DLEC1: variants seen among roughly 807,000 people sequenced by gnomAD.
The protein encoded by DLEC1 is deleted in lung and esophageal cancer protein 1.
Under a neutral mutation model 198.1 loss-of-function variants are expected in DLEC1, and 146 were observed. The ratio of observed to expected loss-of-function variants is 0.74; its 90% confidence interval spans 0.64 to 0.85. The LOEUF (loss-of-function observed/expected upper bound fraction) is 0.85. Among genes scored for constraint, DLEC1 ranks in the 40% least tolerant of loss-of-function variants. The pLI is 0.00. For missense variants in DLEC1, 2,233 were observed against 2,220.0 expected, an observed-to-expected ratio of 1.01 and a Z score of -0.12; for synonymous variants, 897 against 866.8, an observed-to-expected ratio of 1.03 and a Z score of -0.61.
intron 6 of DLEC1, among the ~76,000 whole-genome samples, chr3:38,065,755 C>G (rs144399634): frequency 1.0e-3 from 152 of 152,266 alleles, no homozygotes; most frequent in African/African-American, 3.4e-3. Flanking sequence ...TATGTCTGAT[C>G]TTCATTTGTT....
intron 6 of DLEC1, among the ~76,000 whole-genome samples, chr3:38,065,593 A>C (rs1230613216): frequency 6.6e-6 from 1 of 152,222 alleles, no homozygotes; most frequent in East Asian, 1.9e-4. Flanking sequence ...TATGTGCTGG[A>C]GTCATAGAAG....
At chr3:38,116,266 T>C (rs1279703058) in intron 27 of DLEC1, among the ~76,000 whole-genome samples, 187 bp from the exon 28 acceptor site, 5 of 152,186 alleles carry the variant, frequency 3.3e-5, no homozygotes, top group African/African-American at 4.8e-5. Flanking sequence ...GGCATAAGCC[T>C]GTAAAGCCTT....
intron 21 of DLEC1, 72 bp downstream of exon 21, chr3:38,108,587 G>A (rs1380914032): frequency 2.4e-6 from 3 of 1,248,622 alleles, no homozygotes; most frequent in Non-Finnish European, 3.5e-6. Flanking sequence ...GTGCCACCAG[G>A]GAGGCCCTAG....
intron 6 of DLEC1, among the ~76,000 whole-genome samples, chr3:38,072,480 C>T (rs1289387693): frequency 6.6e-6 from 1 of 152,124 alleles, no homozygotes; most frequent in East Asian, 1.9e-4. Context: ...GACTGCACAG[C>T]CCTGCACTTC....
intron 2 of DLEC1, among the ~76,000 whole-genome samples, chr3:38,057,659 A>G (rs1696446005): frequency 1.3e-5 from 2 of 152,190 alleles, no homozygotes; most frequent in South Asian, 4.1e-4. Flanking sequence ...TAACTATTCA[A>G]AAATATAAAC....
intron 2 of DLEC1, among the ~76,000 whole-genome samples, chr3:38,048,691 G>A (rs144289520): frequency 4.6e-5 from 7 of 152,236 alleles, no homozygotes; most frequent in Admixed American, 1.3e-4. Context: ...TTCTTCTATC[G>A]GGAGGAGGAA....
rs1356238451 is a variant in DLEC1 at position 38,112,207 on chromosome 3, C to T, written c.3515-3C>T. 18 of 1,614,120 alleles carry T rather than the reference C, an allele frequency of 1.1e-5. No homozygotes were observed. The highest frequency in any genetic ancestry group is 6.7e-5 in the Admixed American group (4 of 60,016). Reference sequence around the variant, plus strand: ...ATCCCCCACAGTCGCGGTTCTTTCCCAGATTTTATGGAGAGCATGCTATCC... The same window carrying T: ...ATCCCCCACAGTCGCGGTTCTTTCCTAGATTTTATGGAGAGCATGCTATCC... On this transcript the variant is annotated splice_region_variant and splice_polypyrimidine_tract_variant and intron_variant, in intron 24 of 36. Coordinates refer to ENST00000308059, the MANE Select transcript of DLEC1 (RefSeq NM_007335.4). This position sits in a 1 kb window ranked among gnomAD's most constrained non-coding sequence, Gnocchi z 4.8.
chr3:38,054,736 G>C (rs558434615), intron 2 of DLEC1, among the ~76,000 whole-genome samples: 1 of 152,218 alleles, frequency 6.6e-6, no homozygotes, highest in African/African-American at 2.4e-5. Context: ...AACATGCATG[G>C]TGGGTGGCTG....
intron 1 of DLEC1, among the ~76,000 whole-genome samples, chr3:38,044,733 T>A (rs1700806245): frequency 6.6e-6 from 1 of 152,220 alleles, no homozygotes; most frequent in Non-Finnish European, 1.5e-5. Flanking sequence ...TCATATTACC[T>A]GTACCAGTGA....
At chr3:38,060,300 T>G (rs902238539) in intron 3 of DLEC1, among the ~76,000 whole-genome samples, 1 of 152,152 alleles carries the variant, frequency 6.6e-6, no homozygotes, top group Admixed American at 6.6e-5. Flanking sequence ...GGTGTGTACA[T>G]GTATGTGACA....
chr3:38,082,752 ATG>A (rs1698120350), intron 6 of DLEC1, among the ~76,000 whole-genome samples: 1 of 150,862 alleles, frequency 6.6e-6, no homozygotes, highest in African/African-American at 2.4e-5. Context: ...GGGTAGAGAC[ATG>A]GAGAGAAGGG....
chr3:38,120,299 T>G, intron 33 of DLEC1, 149 bp from the exon 34 acceptor site: 1 of 836,484 alleles, frequency 1.2e-6, no homozygotes, highest in Non-Finnish European at 2.0e-6. Context: ...TGGGCAGCGC[T>G]TGTGGAATGA....
intron 11 of DLEC1, 129 bp downstream of exon 11, chr3:38,093,009 C>T (rs1230532810): frequency 2.3e-6 from 2 of 862,122 alleles, no homozygotes; most frequent in Non-Finnish European, 3.7e-6. Context: ...ATTAAGAATG[C>T]TGCAGCCTCC....
chr3:38,110,279 C>A lies in DLEC1; in HGVS notation c.3441C>A (p.Ser1147Arg). The A allele has an allele frequency of 6.2e-7, 1 of 1,614,050 alleles. No individual in the cohort carries two copies. The highest frequency in any genetic ancestry group is 8.5e-7 in the Non-Finnish European group (1 of 1,179,984). ...SPQNSLSKKT[S>R]LPNMPPALLK... ...AAAACAGCCTGAGCAAAAAGACCAG[C>A]CTGTAAGTCTTGCTTCTTTCACTTC... Residue 1147 changes from serine to arginine, a missense_variant and splice_region_variant, in exon 23 of 37, where the codon AGC (serine) becomes AGA (arginine). By Grantham distance (110) the Ser-to-Arg change is moderately radical. Coordinates refer to ENST00000308059, the MANE Select transcript of DLEC1 (RefSeq NM_007335.4).
At chr3:38,101,863 G>T (rs1300915225) in intron 19 of DLEC1, among the ~76,000 whole-genome samples, 5 of 152,078 alleles carry the variant, frequency 3.3e-5, no homozygotes, top group Non-Finnish European at 7.4e-5. Context: ...TCAGGGGAAG[G>T]GCTTTCTATT....
chr3:38,084,243 TG>T lies in DLEC1; in HGVS notation c.1261+1del. On this transcript the variant is annotated frameshift_variant and splice_region_variant, in exon 7 of 37. Coordinates refer to ENST00000308059, the MANE Select transcript of DLEC1 (RefSeq NM_007335.4). LOFTEE classifies it high-confidence loss of function. The part of the protein sequence containing the change: ...PPSTPYFALG[L>X]GMFPGKGGMV... ...TCCACGCCATACTTCGCTCTGGGAC[TG>T]GGTAAGTTCAGTATTTGTAAGTTCA... 1 of 1,611,916 alleles carries T rather than the reference TG, an allele frequency of 6.2e-7. No homozygotes were observed. The highest frequency in any genetic ancestry group is 8.5e-7 in the Non-Finnish European group (1 of 1,178,744).
intron 2 of DLEC1, among the ~76,000 whole-genome samples, chr3:38,053,776 T>A (rs1347824491): frequency 6.6e-6 from 1 of 152,134 alleles, no homozygotes; most frequent in Non-Finnish European, 1.5e-5. Context: ...GGGGAAAAGA[T>A]AGAGAAATCA....
At position 38,112,170 on chromosome 3, in the gene DLEC1, C is replaced by T. The variant is rs774069755; in HGVS notation, c.3515-40C>T. On this transcript the variant is annotated intron_variant, in intron 24 of 36. Transcript: ENST00000308059. This position sits in a 1 kb window ranked among gnomAD's most constrained non-coding sequence, Gnocchi z 4.8. Reference sequence around the variant, plus strand: ...GAGGGTTTGGACCTCACTCCCAACCCCAGGCCCGTGAATCCCCCACAGTCG... The same window carrying T: ...GAGGGTTTGGACCTCACTCCCAACCTCAGGCCCGTGAATCCCCCACAGTCG... The T allele has an allele frequency of 1.2e-6, 2 of 1,613,040 alleles. No individual in the cohort carries two copies. Among genetic ancestry groups the T allele is most frequent in the Non-Finnish European group, 1.7e-6 (2 of 1,179,394 alleles).
At chr3:38,105,163 T>C (rs1366409171) in intron 19 of DLEC1, among the ~76,000 whole-genome samples, 1 of 152,218 alleles carries the variant, frequency 6.6e-6, no homozygotes, top group Non-Finnish European at 1.5e-5. Context: ...ACCCACTTTA[T>C]ATAATTATAG....
Sources: allele counts gnomAD v4.1 joint callset (sites outside exome capture counted in the v4.1 genomes callset), GRCh38; gene constraint gnomAD v4.1.1; non-coding constraint Gnocchi (gnomAD v3.1); transcripts MANE v1.5; gene names NCBI Gene and HGNC (gene_info 2026-07-23, HGNC 2026-07-21).